The following HS3ST5 variants were observed in gnomAD, a reference collection of about 807,000 sequenced individuals.
The protein encoded by HS3ST5 is heparan sulfate-glucosamine 3-sulfotransferase 5.
Under a neutral mutation model 25.4 loss-of-function variants are expected in HS3ST5, and 10 were observed. The ratio of observed to expected loss-of-function variants is 0.39; its 90% confidence interval spans 0.24 to 0.67. The LOEUF (loss-of-function observed/expected upper bound fraction) is 0.67. Ranked by LOEUF, HS3ST5 falls within the 30% of genes least tolerant of loss-of-function variation. HS3ST5 has a pLI of 0.44. For synonymous variants in HS3ST5, 170 were observed against 162.4 expected, an observed-to-expected ratio of 1.05 and a Z score of -0.36; for missense variants, 324 against 420.7, an observed-to-expected ratio of 0.77 and a Z score of 2.01.
At chr6:114,304,514 A>C (rs868687351) in intron 1 of HS3ST5, among the ~76,000 whole-genome samples, 6 of 152,088 alleles carry the variant, frequency 3.9e-5, no homozygotes, top group Admixed American at 6.6e-5. Flanking sequence ...GTGGCAAAAG[A>C]AGCTTTATTT....
At chr6:114,245,357 C>T (rs1476876482) in intron 1 of HS3ST5, among the ~76,000 whole-genome samples, 4 of 152,074 alleles carry the variant, frequency 2.6e-5, no homozygotes, top group African/African-American at 9.7e-5. Flanking sequence ...AGTTATGAGA[C>T]AGAAACAGGT....
Position 114,310,668 on chromosome 6 carries a change from C to G in HS3ST5, c.-339+31527G>C, listed in dbSNP as rs531682174. Among the ~76,000 whole-genome samples the G allele has an allele frequency of 5.3e-5, 8 of 152,096 alleles. No individual in the cohort carries two copies. In the East Asian group the frequency reaches 1.6e-3, roughly 29 times the overall value. Reference sequence around the variant, plus strand: ...GCAATAGTGGTTATGTCCCCAAAAACTCATGGGAAGTTAAAAATATCTTAT... The same window carrying G: ...GCAATAGTGGTTATGTCCCCAAAAAGTCATGGGAAGTTAAAAATATCTTAT... On this transcript the variant is annotated intron_variant, in intron 1 of 4. Coordinates refer to ENST00000312719, the MANE Select transcript of HS3ST5 (RefSeq NM_153612.4).
At chr6:114,323,319 A>G (rs1161097733) in intron 1 of HS3ST5, among the ~76,000 whole-genome samples, 2 of 152,206 alleles carry the variant, frequency 1.3e-5, no homozygotes, top group East Asian at 1.9e-4. Flanking sequence ...ATGTAAAATT[A>G]TTAAAGGATT....
chr6:114,212,294 A>G (rs1292450200), intron 2 of HS3ST5, among the ~76,000 whole-genome samples: 2 of 152,214 alleles, frequency 1.3e-5, no homozygotes, highest in East Asian at 1.9e-4. Context: ...AATTCCTAAT[A>G]TATTTTCTCT....
intron 2 of HS3ST5, among the ~76,000 whole-genome samples, chr6:114,219,785 A>G (rs1346845152): frequency 6.6e-6 from 1 of 152,166 alleles, no homozygotes; most frequent in Non-Finnish European, 1.5e-5. Context: ...TCAATAGAAG[A>G]CTTTAATTGA....
At chr6:114,077,936 A>T (rs1644573714) in intron 3 of HS3ST5, among the ~76,000 whole-genome samples, 1 of 151,994 alleles carries the variant, frequency 6.6e-6, no homozygotes, top group Non-Finnish European at 1.5e-5. Context: ...CTCCTTTTTA[A>T]TTTCCATAAC....
intron 3 of HS3ST5, chr6:114,143,791 A>G (rs1778019704): frequency 6.6e-6 from 1 of 152,418 alleles, no homozygotes; most frequent in African/African-American, 2.4e-5. Flanking sequence ...TACAAGTCCT[A>G]CCTAATAACT....
At chr6:114,291,773 A>G (rs1044965149) in intron 1 of HS3ST5, among the ~76,000 whole-genome samples, 6 of 152,216 alleles carry the variant, frequency 3.9e-5, no homozygotes, top group African/African-American at 1.4e-4. Context: ...AAAGGCAAAA[A>G]GAGCTTCTAG....
At chr6:114,138,590 G>A (rs1777751628) in intron 3 of HS3ST5, among the ~76,000 whole-genome samples, 2 of 152,118 alleles carry the variant, frequency 1.3e-5, no homozygotes, top group Admixed American at 1.3e-4. Context: ...GCATCTCTCG[G>A]AATGGCTGAA....
At chr6:114,240,484 T>A (rs1433427186) in intron 1 of HS3ST5, among the ~76,000 whole-genome samples, 1 of 152,182 alleles carries the variant, frequency 6.6e-6, no homozygotes, top group Non-Finnish European at 1.5e-5. Flanking sequence ...CTGGTATTTA[T>A]CCACTGGTGG....
At chr6:114,238,695 G>C (rs1003341727) in intron 1 of HS3ST5, among the ~76,000 whole-genome samples, 1 of 152,236 alleles carries the variant, frequency 6.6e-6, no homozygotes, top group Middle Eastern at 3.4e-3. Context: ...TAAATATCCT[G>C]AGATGTCACC....
At chr6:114,186,061 T>A (rs1425303591) in intron 2 of HS3ST5, among the ~76,000 whole-genome samples, 1 of 152,040 alleles carries the variant, frequency 6.6e-6, no homozygotes, top group Non-Finnish European at 1.5e-5. Context: ...ACTGCTCCAA[T>A]CACTGGCCAT....
At chr6:114,236,840 A>G (rs1771880486) in intron 1 of HS3ST5, among the ~76,000 whole-genome samples, 1 of 152,198 alleles carries the variant, frequency 6.6e-6, no homozygotes, top group Admixed American at 6.5e-5. Flanking sequence ...CTATTGAAAT[A>G]TTTTAGACTT....
intron 2 of HS3ST5, among the ~76,000 whole-genome samples, chr6:114,192,826 T>C (rs929124871): frequency 6.6e-6 from 1 of 152,188 alleles, no homozygotes. Context: ...AGTCAAAATA[T>C]ATATAGACTA....
At chr6:114,257,011 C>T (rs536773171) in intron 1 of HS3ST5, among the ~76,000 whole-genome samples, 1 of 152,278 alleles carries the variant, frequency 6.6e-6, no homozygotes, top group African/African-American at 2.4e-5. Context: ...AGAATGAGAA[C>T]CAGGTAAAGG....
At chr6:114,188,268 C>A (rs944830428) in intron 2 of HS3ST5, among the ~76,000 whole-genome samples, 10 of 152,090 alleles carry the variant, frequency 6.6e-5, no homozygotes, top group African/African-American at 2.4e-4. Context: ...TTTTTTTGGC[C>A]TCCCTCTACA....
At chr6:114,159,044 G>T (rs299424) in intron 3 of HS3ST5, among the ~76,000 whole-genome samples, 152,104 of 152,352 alleles carry the variant, frequency 1, 75,929 homozygotes, top group Middle Eastern at 1. Context: ...TGTAAAGAAG[G>T]GCTGAATTAC....
rs1249042105 is a variant in HS3ST5, at chr6:114,154,937, G to T, written c.-33+13414C>A. ...CATTTGACTTTGCCTTATCTTTCCCGATTGCTCTGGTTACATATGCATTTA... is the reference window on the plus strand; with the variant it reads ...CATTTGACTTTGCCTTATCTTTCCCTATTGCTCTGGTTACATATGCATTTA... On this transcript the variant is annotated intron_variant, in intron 3 of 4. Coordinates refer to ENST00000312719, the MANE Select transcript of HS3ST5 (RefSeq NM_153612.4). Among the ~76,000 whole-genome samples, 9 of 151,952 alleles carry T rather than the reference G, an allele frequency of 5.9e-5. No homozygotes were observed. In the East Asian group the frequency reaches 1.7e-3, roughly 29 times the overall value.
rs187138757 is a variant in HS3ST5 at position 114,317,336 on chromosome 6, G to A, written c.-339+24859C>T. Among the ~76,000 whole-genome samples the A allele has an allele frequency of 1.2e-3, 190 of 152,158 alleles. 1 individual carries two copies. The highest frequency in any genetic ancestry group is 1.1e-3 in the Non-Finnish European group (72 of 68,016). On this transcript the variant is annotated intron_variant, in intron 1 of 4. Coordinates refer to ENST00000312719, the MANE Select transcript of HS3ST5 (RefSeq NM_153612.4). The stretch of plus-strand genomic sequence containing the variant: ...CCCTTTTCCTCCCCAAATGATCTCC[G>A]CTTCCTGCATTACTAACAAGGGTAA...
Sources: gnomAD v4.1 joint callset for allele counts (sites outside exome capture counted in the v4.1 genomes callset) on GRCh38, gnomAD v4.1.1 for gene constraint, MANE v1.5 for transcripts, NCBI Gene and HGNC (gene_info 2026-07-23, HGNC 2026-07-21) for gene names.